Variants in ASB4 observed in about 807,000 individuals in gnomAD.
ASB4 encodes ankyrin repeat and SOCS box containing 4, also known as ankyrin repeat and SOCS box protein 4.
Under a neutral mutation model 38.6 loss-of-function variants are expected in ASB4, and 35 were observed. The observed-to-expected ratio is 0.91, with a 90% CI of 0.69 to 1.20. The LOEUF (loss-of-function observed/expected upper bound fraction) is 1.20. Ranked by LOEUF, ASB4 falls within the 50% of genes most tolerant of loss-of-function variation. ASB4 has a pLI of 0.00. For missense variants in ASB4, 557 were observed against 527.2 expected, an observed-to-expected ratio of 1.06 and a Z score of -0.55; for synonymous variants, 195 against 201.3, an observed-to-expected ratio of 0.97 and a Z score of 0.26.
At chr7:95,525,208 A>C (rs1286574350) in intron 2 of ASB4, among the ~76,000 whole-genome samples, 1 of 152,196 alleles carries the variant, frequency 6.6e-6, no homozygotes, top group Admixed American at 6.5e-5. Context: ...GGAAGAAACC[A>C]ACCCTAGACA....
intron 2 of ASB4, among the ~76,000 whole-genome samples, chr7:95,496,585 G>C (rs867322124): frequency 9.2e-5 from 14 of 152,134 alleles, no homozygotes; most frequent in Admixed American, 9.2e-4. Context: ...TGTGGCTCAT[G>C]CTTGTGGTAC....
At chr7:95,549,301 A>ATTTTTTCTTTTTTTTT in the ASB4 span, among the ~76,000 whole-genome samples, 1 of 114,850 alleles carries the variant, frequency 8.7e-6, no homozygotes, top group African/African-American at 3.7e-5. Context: ...AGGAGACTCC[A>ATTTTTTCTTTTTTTTT]TTTTTTTTTT....
At chr7:95,509,808 A>G (rs562647491) in intron 2 of ASB4, among the ~76,000 whole-genome samples, 1 of 152,308 alleles carries the variant, frequency 6.6e-6, no homozygotes, top group East Asian at 1.9e-4. Context: ...TGCAACAACC[A>G]TGTGAGGTTG....
chr7:95,482,107 G>A (rs1057205087), upstream of ASB4, among the ~76,000 whole-genome samples: 4 of 152,190 alleles, frequency 2.6e-5, no homozygotes, highest in African/African-American at 9.6e-5. Flanking sequence ...TATTTGCTTT[G>A]TAGGTGCAAA....
intron 1 of ASB4, among the ~76,000 whole-genome samples, chr7:95,493,820 T>C (rs934867267): frequency 6.6e-6 from 1 of 152,180 alleles, no homozygotes; most frequent in Admixed American, 6.5e-5. Flanking sequence ...CAGTAATATA[T>C]CTTGAGATCT....
At position 95,513,018 on chromosome 7, in the gene ASB4, G is replaced by C. The variant is rs572702168; in HGVS notation, c.488-14795G>C. On this transcript the variant is annotated intron_variant, in intron 2 of 4. Coordinates refer to ENST00000325885, the MANE Select transcript of ASB4 (RefSeq NM_016116.3). ...GTTGGTCATGTCTCTTTAAAATCAG[G>C]GACCTTTTTTGGCTATAGTTAGAGG... Among the ~76,000 whole-genome samples, 4 of 152,164 alleles carry C rather than the reference G, an allele frequency of 2.6e-5. No individual in the cohort carries two copies. In the South Asian group the frequency reaches 8.3e-4, roughly 32 times the overall value.
chr7:95,477,589 T>C (rs2116563191), upstream of ASB4, among the ~76,000 whole-genome samples: 1 of 152,292 alleles, frequency 6.6e-6, no homozygotes, highest in Admixed American at 6.5e-5. Flanking sequence ...GTTGTGTAGT[T>C]CAAAAACTAA....
At chr7:95,520,222 T>C (rs1585813361) in intron 2 of ASB4, among the ~76,000 whole-genome samples, 1 of 152,354 alleles carries the variant, frequency 6.6e-6, no homozygotes, top group Non-Finnish European at 1.5e-5. Context: ...TGGTGGGTAC[T>C]GCACTGCAGA....
At chr7:95,541,623 A>G (rs1485942434), downstream of ASB4, among the ~76,000 whole-genome samples, 1 of 152,182 alleles carries the variant, frequency 6.6e-6, no homozygotes, top group Admixed American at 6.5e-5. Flanking sequence ...GGATTAGTAA[A>G]CATGCCAACC....
chr7:95,549,856 C>T, the ASB4 span, among the ~76,000 whole-genome samples: 4 of 152,080 alleles, frequency 2.6e-5, no homozygotes, highest in African/African-American at 9.7e-5. Flanking sequence ...TCCTTCTGCT[C>T]AAATTTCACT....
Position 95,498,297 on chromosome 7 carries a change from A to G in ASB4, c.487+2240A>G, listed in dbSNP as rs571082466. ...TTCAGCGTGGGCAACATCAGTTTGCAATCATTACAAACATATTAGAATAGC... is the reference window on the plus strand; with the variant it reads ...TTCAGCGTGGGCAACATCAGTTTGCGATCATTACAAACATATTAGAATAGC... On this transcript the variant is annotated intron_variant, in intron 2 of 4. Transcript: ENST00000325885. Among the ~76,000 whole-genome samples, 3 of 152,310 alleles carry G rather than the reference A, an allele frequency of 2.0e-5. No individual in the cohort carries two copies. In the South Asian group the frequency reaches 6.2e-4, roughly 32 times the overall value.
rs1364166561 is a variant in ASB4, at chr7:95,537,701, C to G, written c.1223C>G (p.Ser408Cys). The change falls in exon 5 of 5, where the codon TCC (serine) becomes TGC (cysteine). Residue 408 changes from serine (S) to cysteine (C), a missense_variant. Ser to Cys is a moderately radical substitution (Grantham distance 112). Transcript: ENST00000325885. ...NRCHRAIPLL[S>C]LPLSLKKYLL... ...TGCCATAGAGCAATTCCTTTGCTTT[C>G]CCTCCCATTGTCATTGAAAAAGTAC... The G allele has an allele frequency of 1.9e-6, 3 of 1,613,768 alleles. No individual in the cohort carries two copies. The East Asian group carries it at 6.7e-5, about 36-fold the overall frequency.
At chr7:95,531,356 A>C (rs1468915073) in intron 3 of ASB4, among the ~76,000 whole-genome samples, 1 of 152,164 alleles carries the variant, frequency 6.6e-6, no homozygotes, top group Non-Finnish European at 1.5e-5. Flanking sequence ...TCACTTCACA[A>C]AGCATAATTT....
Position 95,495,664 on chromosome 7 carries a change from C to G in ASB4, c.188-94C>G, listed in dbSNP as rs925998545. 2.3e-6 allele frequency: 3 copies of G among 1,312,448 alleles called. No individual in the cohort carries two copies. The African/African-American group carries it at 4.5e-5, about 19-fold the overall frequency. 81.3% of individuals were successfully genotyped at this position (1,312,448 alleles called of 1,614,324 possible). On this transcript the variant is annotated intron_variant, in intron 1 of 4. Coordinates refer to ENST00000325885, the MANE Select transcript of ASB4 (RefSeq NM_016116.3). ...TCCACCCCACTTTTATAAATGTGGC[C>G]AAAATAAAATACTTGTAAAAATCCT...
upstream of ASB4, among the ~76,000 whole-genome samples, chr7:95,475,213 T>C (rs1386577016): frequency 1.3e-5 from 2 of 152,184 alleles, no homozygotes; most frequent in Non-Finnish European, 2.9e-5. Context: ...TAATCCAGGC[T>C]GTCAATAGAA....
At chr7:95,530,180 G>A (rs560898264) in intron 3 of ASB4, among the ~76,000 whole-genome samples, 37 of 151,846 alleles carry the variant, frequency 2.4e-4, no homozygotes, top group African/African-American at 8.7e-4. Flanking sequence ...GATGTGGGGG[G>A]CTGGGTGCAG....
At chr7:95,550,084 A>G in the ASB4 span, among the ~76,000 whole-genome samples, 1 of 152,194 alleles carries the variant, frequency 6.6e-6, no homozygotes, top group Admixed American at 6.5e-5. Context: ...ACTCCTTGCA[A>G]CAGAATACTT....
At chr7:95,536,605 T>C (rs1460256179) in intron 4 of ASB4, 55 bp downstream of exon 4, 2 of 1,291,254 alleles carry the variant, frequency 1.5e-6, no homozygotes, top group Non-Finnish European at 2.2e-6. Flanking sequence ...TCCAGACTGC[T>C]CTAGAAGTAC....
intron 2 of ASB4, among the ~76,000 whole-genome samples, chr7:95,524,946 T>A (rs1467476623): frequency 6.6e-6 from 1 of 152,216 alleles, no homozygotes; most frequent in African/African-American, 2.4e-5. Flanking sequence ...GAACCCCTCT[T>A]ACTTTGCTGA....
Sources: allele counts gnomAD v4.1 joint callset (sites outside exome capture counted in the v4.1 genomes callset), GRCh38; gene constraint gnomAD v4.1.1; transcripts MANE v1.5; gene names NCBI Gene and HGNC (gene_info 2026-07-23, HGNC 2026-07-21).